AGL: variants seen among roughly 807,000 people sequenced by gnomAD.
The protein encoded by AGL is amylo-alpha-1,6-glucosidase and 4-alpha-glucanotransferase.
A neutral mutation model predicts 199.3 loss-of-function variants in AGL; 128 were observed. The observed-to-expected ratio is 0.64, with a 90% CI of 0.56 to 0.74. The LOEUF is 0.74. Among genes scored for constraint, AGL ranks in the 30% least tolerant of loss-of-function variants. The pLI is 0.00. For missense variants in AGL, 1,809 were observed against 1,820.8 expected, an observed-to-expected ratio of 0.99 and a Z score of 0.12; for synonymous variants, 584 against 594.7, an observed-to-expected ratio of 0.98 and a Z score of 0.26.
chr1:99,858,708 CAA>C (rs891181008), intron 2 of AGL, among the ~76,000 whole-genome samples: 6 of 151,764 alleles, frequency 4.0e-5, no homozygotes, highest in African/African-American at 1.2e-4. Flanking sequence ...ATATTAAAAC[CAA>C]GACTTTTTAA....
Position 99,915,377 on chromosome 1 carries a change from G to C in AGL, c.4162-12G>C, listed in dbSNP as rs755337032. The C allele has an allele frequency of 2.0e-5, 32 of 1,602,272 alleles. No homozygotes were observed. The highest frequency in any genetic ancestry group is 2.6e-5 in the Non-Finnish European group (30 of 1,169,582). On this transcript the variant is annotated splice_polypyrimidine_tract_variant and intron_variant, in intron 30 of 33. Coordinates refer to ENST00000361915, the MANE Select transcript of AGL (RefSeq NM_000642.3). ...CTTAAAAATTTGTATATTTGTTTTT[G>C]GCATTCACTAGGCCCCTGAGCTCTT...
chr1:99,904,334 A>G (rs1011933076), intron 27 of AGL, among the ~76,000 whole-genome samples: 2 of 152,086 alleles, frequency 1.3e-5, no homozygotes, highest in Non-Finnish European at 2.9e-5. Context: ...GGTTTTTTAA[A>G]CTTTGTAATT....
chr1:99,910,984 C>T, intron 28 of AGL, 137 bp downstream of exon 28: 1 of 851,010 alleles, frequency 1.2e-6, no homozygotes, highest in East Asian at 2.8e-5. Context: ...CCCTTCATCT[C>T]CCCATTATAC....
At position 99,887,995 on chromosome 1, in the gene AGL, C is replaced by G. The variant is rs1181461735; in HGVS notation, c.2699C>G (p.Thr900Ser). The stretch of plus-strand genomic sequence containing the variant: ...ATTCTTAGTCTTGCCTCCAGATTAA[C>G]TTTGGCTGAGCTAAATCAGATCCTT... ...IPFASLASRL[T>S]LAELNQILYR... The change falls in exon 21 of 34, where the codon ACT (threonine) becomes AGT (serine). Residue 900 changes from threonine (T) to serine (S), a missense_variant. By Grantham distance (58) the Thr-to-Ser change is moderately conservative. Coordinates refer to ENST00000361915, the MANE Select transcript of AGL (RefSeq NM_000642.3). The G allele has an allele frequency of 1.2e-6, 2 of 1,613,388 alleles. No individual in the cohort carries two copies. Among genetic ancestry groups the G allele is most frequent in the East Asian group, 4.5e-5 (2 of 44,816 alleles).
chr1:99,859,053 T>C (rs1247686476), intron 2 of AGL, among the ~76,000 whole-genome samples: 1 of 152,152 alleles, frequency 6.6e-6, no homozygotes, highest in Non-Finnish European at 1.5e-5. Context: ...TGAATACTTG[T>C]GTAATTATAA....
chr1:99,916,326 A>G, intron 31 of AGL, 84 bp from the exon 32 acceptor site: 1 of 1,047,190 alleles, frequency 9.5e-7, no homozygotes, highest in Non-Finnish European at 1.4e-6. Context: ...TATTTCTCTT[A>G]CCTTTGTTAT....
At position 99,896,408 on chromosome 1, in the gene AGL, G is replaced by A. The variant is rs1207898294; in HGVS notation, c.3362+20G>A. ...AGCCAGGTAGGAGAGCCTCTAAAGT[G>A]TTGTACTGCGAGTTTATGTCTGAAT... On this transcript the variant is annotated intron_variant, in intron 25 of 33. Coordinates refer to ENST00000361915, the MANE Select transcript of AGL (RefSeq NM_000642.3). The A allele has an allele frequency of 1.9e-6, 3 of 1,545,650 alleles. No homozygotes were observed. The highest frequency in any genetic ancestry group is 2.7e-6 in the Non-Finnish European group (3 of 1,117,830).
At chr1:99,908,162 TTGATCCATATTGAGTTAATTTTTGCATA>T (rs909099187) in intron 27 of AGL, among the ~76,000 whole-genome samples, 1 of 152,184 alleles carries the variant, frequency 6.6e-6, no homozygotes, top group Admixed American at 6.5e-5. Context: ...GTTTAGGTCT[TTGATCCATATTGAGTTAATTTTTGCATA>T]TGATATTAAG....
At position 99,851,102 on chromosome 1, in the gene AGL, G is replaced by C. The variant is rs769238334; in HGVS notation, c.60G>C (p.Lys20Asn). ...LLLNEMEKLEKTLFRLEQGYE... is the reference protein window; with the variant it reads ...LLLNEMEKLENTLFRLEQGYE... ...TGAACGAAATGGAGAAACTGGAAAAGACCCTCTTCAGACTTGAACAAGGTC... is the reference window on the plus strand; with the variant it reads ...TGAACGAAATGGAGAAACTGGAAAACACCCTCTTCAGACTTGAACAAGGTC... Residue 20 changes from lysine to asparagine, a missense_variant, in exon 2 of 34, where the codon AAG (lysine) becomes AAC (asparagine). Physicochemically the swap from Lys to Asn is moderately conservative, Grantham distance 94. Coordinates refer to ENST00000361915, the MANE Select transcript of AGL (RefSeq NM_000642.3). The C allele has an allele frequency of 1.2e-6, 2 of 1,614,086 alleles. No homozygotes were observed. Among genetic ancestry groups the C allele is most frequent in the Non-Finnish European group, 1.7e-6 (2 of 1,179,958 alleles).
rs773384152 is a variant in AGL at position 99,862,376 on chromosome 1, G to A, written c.413G>A (p.Gly138Glu). 17 of 1,613,934 alleles carry A rather than the reference G, an allele frequency of 1.1e-5. No homozygotes were observed. The highest frequency in any genetic ancestry group is 1.4e-5 in the Non-Finnish European group (17 of 1,180,010). ...TLQTFLAKCLGPFDEWESRLR... is the reference protein window; with the variant it reads ...TLQTFLAKCLEPFDEWESRLR... ...CAGACATTTTTAGCTAAGTGTTTGGGACCTTTTGATGAATGGGAAAGCAGA... is the reference window on the plus strand; with the variant it reads ...CAGACATTTTTAGCTAAGTGTTTGGAACCTTTTGATGAATGGGAAAGCAGA... The change falls in exon 4 of 34, where the codon GGA becomes GAA. Residue 138 changes from glycine (G) to glutamate (E), a missense_variant. Physicochemically the swap from Gly to Glu is moderately conservative, Grantham distance 98 (BLOSUM62 -2). Coordinates refer to ENST00000361915, the MANE Select transcript of AGL (RefSeq NM_000642.3).
chr1:99,880,683 A>T lies in AGL; in HGVS notation c.1787A>T (p.Tyr596Phe), dbSNP rs1339305666. 19 of 1,614,056 alleles carry T rather than the reference A, an allele frequency of 1.2e-5. No individual in the cohort carries two copies. The highest frequency in any genetic ancestry group is 1.5e-5 in the Non-Finnish European group (18 of 1,179,928). ...SHEEGRLVYRYGGEPVGSFVQ... is the reference protein window; with the variant it reads ...SHEEGRLVYRFGGEPVGSFVQ... ...GAAGAGGGCAGATTAGTTTACCGAT[A>T]TGGAGGAGAACCTGTTGGATCCTTT... is the stretch of plus-strand genomic sequence containing the variant. The change falls in exon 14 of 34, where the codon TAT becomes TTT. Residue 596 changes from tyrosine to phenylalanine, a missense_variant. By Grantham distance (22) the Tyr-to-Phe change is conservative (BLOSUM62 3). Transcript: ENST00000361915.
At chr1:99,920,871 A>G (rs1473964256) in intron 33 of AGL, among the ~76,000 whole-genome samples, 4 of 152,192 alleles carry the variant, frequency 2.6e-5, no homozygotes, top group African/African-American at 9.6e-5. Context: ...TTGATGTGCT[A>G]ACATCACTGT....
chr1:99,920,531 A>G (rs1316120219), intron 33 of AGL, among the ~76,000 whole-genome samples: 5 of 152,164 alleles, frequency 3.3e-5, no homozygotes, highest in African/African-American at 7.2e-5. Context: ...GTCATTTGGC[A>G]TTTTACTCTG....
intron 2 of AGL, among the ~76,000 whole-genome samples, chr1:99,854,206 AAAAAT>A (rs573139855): frequency 4.4e-4 from 67 of 152,268 alleles, no homozygotes; most frequent in Non-Finnish European, 8.4e-4. Context: ...AAAAAAAATA[AAAAAT>A]AAAATAAAAT....
Position 99,881,063 on chromosome 1 carries a change from T to C in AGL, c.1900-13T>C, listed in dbSNP as rs533280246. ...AGAAAGCAAACTTTTGCTTTGTTGTTGTTGTCTTCTAGCATAGATCAGCGT... is the reference window on the plus strand; with the variant it reads ...AGAAAGCAAACTTTTGCTTTGTTGTCGTTGTCTTCTAGCATAGATCAGCGT... On this transcript the variant is annotated splice_polypyrimidine_tract_variant and intron_variant, in intron 14 of 33. Transcript: ENST00000361915. 1 of 1,607,678 alleles carries C rather than the reference T, an allele frequency of 6.2e-7. No individual in the cohort carries two copies. The highest frequency in any genetic ancestry group is 1.7e-5 in the Admixed American group (1 of 59,988).
upstream of AGL, among the ~76,000 whole-genome samples, chr1:99,849,517 T>C (rs1648742760): frequency 6.6e-6 from 1 of 152,120 alleles, no homozygotes; most frequent in Non-Finnish European, 1.5e-5. Context: ...GTCTATCTAG[T>C]GTACATGAGG....
intron 24 of AGL, among the ~76,000 whole-genome samples, chr1:99,895,333 C>T (rs1170720212): frequency 1.3e-5 from 2 of 152,154 alleles, no homozygotes. Flanking sequence ...TTTTAGATTG[C>T]ACCATTAATC....
At chr1:99,850,119 C>G (rs1571204701), upstream of AGL, 1 of 152,356 alleles carries the variant, frequency 6.6e-6, no homozygotes, top group East Asian at 1.9e-4. Context: ...CCGCTCCCAC[C>G]TGGGGCGAGT....
chr1:99,890,976 T>C (rs1652847879), intron 21 of AGL, among the ~76,000 whole-genome samples: 1 of 152,120 alleles, frequency 6.6e-6, no homozygotes. Flanking sequence ...CCTGAAAAGC[T>C]CTTTATATCT....
Sources: allele counts gnomAD v4.1 joint callset (sites outside exome capture counted in the v4.1 genomes callset), GRCh38; gene constraint gnomAD v4.1.1; transcripts MANE v1.5; gene names NCBI Gene and HGNC (gene_info 2026-07-23, HGNC 2026-07-21).